The following OGG1 variants were observed in gnomAD, a reference collection of about 807,000 sequenced individuals.
OGG1 encodes the protein N-glycosylase/DNA lyase.
A neutral mutation model predicts 42.3 loss-of-function variants in OGG1; 35 were observed. The ratio of observed to expected loss-of-function variants is 0.83; its 90% CI spans 0.63 to 1.10. The LOEUF is 1.10. Among genes scored for constraint, OGG1 ranks in the 50% least tolerant of loss-of-function variants. OGG1 has a pLI of 0.00. For synonymous variants in OGG1, 189 were observed against 179.0 expected, an observed-to-expected ratio of 1.06 and a Z score of -0.44; for missense variants, 484 against 446.7, an observed-to-expected ratio of 1.08 and a Z score of -0.75.
At chr3:9,787,594 G>C in intron 3 of OGG1, 1 of 1,086,296 alleles carries the variant, frequency 9.2e-7, no homozygotes, top group Non-Finnish European at 1.3e-6. Flanking sequence ...AGAAGGTGCA[G>C]AATACGTACA....
downstream of OGG1, chr3:9,761,185 G>A (rs1025613445): frequency 2.5e-6 from 1 of 406,740 alleles, no homozygotes; most frequent in Non-Finnish European, 4.5e-6. Flanking sequence ...TTATTTACTT[G>A]TTGATTGTCT....
intron 3 of OGG1, among the ~76,000 whole-genome samples, chr3:9,784,898 T>C (rs2078571213): frequency 6.6e-6 from 1 of 151,876 alleles, no homozygotes; most frequent in African/African-American, 2.4e-5. Flanking sequence ...AAAAGAAATA[T>C]ATTTTAAGTA....
downstream of OGG1, chr3:9,761,335 G>T: frequency 1.1e-6 from 1 of 926,828 alleles, no homozygotes; most frequent in Non-Finnish European, 1.6e-6. Context: ...ACTGGTAATT[G>T]ATTGGTGGAA....
intron 2 of OGG1, among the ~76,000 whole-genome samples, chr3:9,771,836 T>G (rs2078305073): frequency 1.1e-5 from 1 of 90,508 alleles, no homozygotes; most frequent in Non-Finnish European, 2.3e-5. Flanking sequence ...TTTTTTTTTT[T>G]GAGACAGTCT....
downstream of OGG1, chr3:9,762,025 C>A: frequency 2.7e-6 from 1 of 368,148 alleles, no homozygotes; most frequent in African/African-American, 2.1e-5. Flanking sequence ...CTATTTTATG[C>A]CAGACCCTGG....
chr3:9,750,778 T>G, intron 1 of OGG1, 167 bp from the exon 2 acceptor site: 1 of 884,834 alleles, frequency 1.1e-6, no homozygotes, highest in Non-Finnish European at 1.8e-6. Flanking sequence ...CCCGGTTAAA[T>G]TTTTGTATTT....
chr3:9,787,430 C>T, intron 3 of OGG1: 1 of 1,497,186 alleles, frequency 6.7e-7, no homozygotes, highest in Non-Finnish European at 8.9e-7. Context: ...TTATATCTCT[C>T]TCAAGTCCCT....
chr3:9,779,709 G>A (rs775289384), intron 2 of OGG1, among the ~76,000 whole-genome samples: 1 of 151,948 alleles, frequency 6.6e-6, no homozygotes, highest in Non-Finnish European at 1.5e-5. Flanking sequence ...TTGGCTAACC[G>A]TGAAGGCCAC....
intron 2 of OGG1, among the ~76,000 whole-genome samples, chr3:9,772,007 G>A (rs930654263): frequency 1.3e-5 from 2 of 151,428 alleles, no homozygotes; most frequent in African/African-American, 4.9e-5. Context: ...AGTAGAGATG[G>A]GGGTTTCACC....
chr3:9,784,383 TA>T (rs1328452904), intron 3 of OGG1, among the ~76,000 whole-genome samples: 1 of 152,046 alleles, frequency 6.6e-6, no homozygotes, highest in African/African-American at 2.4e-5. Flanking sequence ...GTCTGGTTTT[TA>T]AAACAAGCAA....
chr3:9,766,033 C>A, exon 8 of OGG1: 1 of 1,610,370 alleles, frequency 6.2e-7, no homozygotes, highest in Non-Finnish European at 8.5e-7. Flanking sequence ...CATCCCCTGG[C>A]TCCAGAGATG....
intron 2 of OGG1, among the ~76,000 whole-genome samples, chr3:9,779,658 A>AAAG (rs2078416342): frequency 6.6e-6 from 1 of 152,202 alleles, no homozygotes; most frequent in Admixed American, 6.5e-5. Context: ...ATTAAAAAAA[A>AAAG]AAGAAACCTG....
At chr3:9,756,708 C>T in intron 5 of OGG1, 59 bp from the exon 6 acceptor site, 3 of 1,613,876 alleles carry the variant, frequency 1.9e-6, no homozygotes, top group Non-Finnish European at 1.7e-6. Context: ...TCAGACCCTA[C>T]TTCTGTTGAT....
intron 2 of OGG1, among the ~76,000 whole-genome samples, chr3:9,778,879 G>GTT: frequency 6.6e-6 from 1 of 152,136 alleles, no homozygotes; most frequent in African/African-American, 2.4e-5. Flanking sequence ...AGAGGTGCTG[G>GTT]GTATACGAGA....
intron 3 of OGG1, among the ~76,000 whole-genome samples, chr3:9,786,832 A>G (rs1317685807): frequency 3.3e-5 from 5 of 152,230 alleles, no homozygotes; most frequent in Non-Finnish European, 7.3e-5. Context: ...TATTAGGTGC[A>G]CAAGTTATAT....
exon 8 of OGG1, chr3:9,766,051 G>T (rs1224353058): frequency 4.4e-6 from 7 of 1,597,630 alleles, no homozygotes; most frequent in Non-Finnish European, 6.0e-6. Flanking sequence ...ATGGTCACAT[G>T]ACCCAGGCCT....
chr3:9,754,694 C>G lies in OGG1; in HGVS notation c.566-10C>G, dbSNP rs1367988517. The G allele has an allele frequency of 1.2e-6, 2 of 1,613,776 alleles. No homozygotes were observed. The highest frequency in any genetic ancestry group is 2.7e-5 in the African/African-American group (2 of 75,072). On this transcript the variant is annotated splice_polypyrimidine_tract_variant and intron_variant, in intron 3 of 6. Transcript: ENST00000344629. Reference sequence around the variant, plus strand: ...TGCCTGATGCTTGCCCTCCTCCTCACTCCCCGCAGGGCCAGAGGTGGAGGC... The same window carrying G: ...TGCCTGATGCTTGCCCTCCTCCTCAGTCCCCGCAGGGCCAGAGGTGGAGGC...
downstream of OGG1, among the ~76,000 whole-genome samples, chr3:9,770,558 G>A (rs2078279318): frequency 6.6e-6 from 1 of 152,206 alleles, no homozygotes; most frequent in Non-Finnish European, 1.5e-5. Context: ...AGAGCGGGTG[G>A]TGGTGCCTAG....
intron 3 of OGG1, chr3:9,787,292 G>A: frequency 6.2e-7 from 1 of 1,614,162 alleles, no homozygotes; most frequent in Non-Finnish European, 8.5e-7. Context: ...TCCTCCAGCA[G>A]GTCCTCCTGG....
Sources: allele counts gnomAD v4.1 joint callset (sites outside exome capture counted in the v4.1 genomes callset), GRCh38; gene constraint gnomAD v4.1.1; transcripts MANE v1.5; gene names NCBI Gene and HGNC (gene_info 2026-07-23, HGNC 2026-07-21).